CACNG3: variants seen among roughly 807,000 people sequenced by gnomAD.
CACNG3 encodes voltage-dependent calcium channel gamma-3 subunit.
A neutral mutation model predicts 28.5 loss-of-function variants in CACNG3; 3 were observed. The observed-to-expected ratio is 0.11, with a 90% CI of 0.05 to 0.27. The LOEUF (loss-of-function observed/expected upper bound fraction) is 0.27, where lower values mean the gene tolerates loss of function less well. Ranked by LOEUF, CACNG3 falls within the 10% of genes least tolerant of loss-of-function variation. The pLI, the probability that CACNG3 is intolerant of heterozygous loss-of-function variation, is 1.00. For missense variants in CACNG3, 236 were observed against 414.4 expected (o/e 0.57, Z 3.74); for synonymous variants, 174 against 162.2 (o/e 1.07, Z -0.55).
rs1900100553 is a variant in CACNG3, at chr16:24,361,422, C to T, written c.507C>T (p.Ser169=). ...CCGGAGACCCCGGGCAGCGTGACTC[C>T]AAAAAAAGTTACTCCTATGGTTGGT... ...ANAGDPGQRD[S]KKSYSYGWSF... Residue 169 remains serine (S), a synonymous_variant, in exon 4 of 4, where the codon TCC becomes TCT. Transcript: ENST00000005284. The surrounding 1 kb of genome is among the most constrained non-coding windows in gnomAD (Gnocchi z 6.8). 1 of 1,613,614 alleles carries T rather than the reference C, an allele frequency of 6.2e-7. No homozygotes were observed. Among genetic ancestry groups the T allele is most frequent in the Non-Finnish European group, 8.5e-7 (1 of 1,179,852 alleles).
chr16:24,297,166 T>C (rs1186427485), intron 1 of CACNG3, among the ~76,000 whole-genome samples: 6 of 151,088 alleles, frequency 4.0e-5, no homozygotes, highest in African/African-American at 1.5e-4. Flanking sequence ...GAGGATGGCT[T>C]GTGGCCAGGA....
At chr16:24,351,390 G>A (rs1760431450) in intron 2 of CACNG3, among the ~76,000 whole-genome samples, 1 of 151,856 alleles carries the variant, frequency 6.6e-6, no homozygotes, top group African/African-American at 2.4e-5. Context: ...AGACCAATAT[G>A]GTGAAACCCA....
chr16:24,356,016 C>T (rs1900027069), intron 3 of CACNG3, among the ~76,000 whole-genome samples: 1 of 152,172 alleles, frequency 6.6e-6, no homozygotes, highest in South Asian at 2.1e-4. Flanking sequence ...TTTTACCTCC[C>T]TCCACCTCCA....
At chr16:24,276,658 G>A (rs912134486) in intron 1 of CACNG3, among the ~76,000 whole-genome samples, 6 of 152,178 alleles carry the variant, frequency 3.9e-5, no homozygotes, top group Non-Finnish European at 8.8e-5. Flanking sequence ...ACCATCACTG[G>A]GATGGAAGAG....
intron 1 of CACNG3, among the ~76,000 whole-genome samples, chr16:24,328,639 C>T (rs1454363030): frequency 6.6e-6 from 1 of 151,960 alleles, no homozygotes; most frequent in Non-Finnish European, 1.5e-5. Flanking sequence ...CACGGATCAT[C>T]GTAAGCTTAG....
At chr16:24,326,465 C>T (rs535403203) in intron 1 of CACNG3, among the ~76,000 whole-genome samples, 1 of 152,340 alleles carries the variant, frequency 6.6e-6, no homozygotes, top group South Asian at 2.1e-4. Context: ...GCCACCACAC[C>T]CGGCCAAAAT....
At chr16:24,287,053 T>A (rs1898904076) in intron 1 of CACNG3, among the ~76,000 whole-genome samples, 1 of 152,226 alleles carries the variant, frequency 6.6e-6, no homozygotes, top group Non-Finnish European at 1.5e-5. Flanking sequence ...ATGGCATGCT[T>A]GCTTGCTCCT....
At chr16:24,347,453 A>T (rs1899885208) in intron 2 of CACNG3, among the ~76,000 whole-genome samples, 1 of 152,228 alleles carries the variant, frequency 6.6e-6, no homozygotes, top group Non-Finnish European at 1.5e-5. Context: ...CTTTTTAGTC[A>T]GTTTAGGAGA....
At chr16:24,330,026 G>T (rs905569211) in intron 1 of CACNG3, among the ~76,000 whole-genome samples, 2 of 152,034 alleles carry the variant, frequency 1.3e-5, no homozygotes, top group African/African-American at 4.8e-5. Flanking sequence ...AACAGAGTGA[G>T]ACTGTGTCTC....
At chr16:24,329,278 A>G (rs1899601969) in intron 1 of CACNG3, among the ~76,000 whole-genome samples, 1 of 152,176 alleles carries the variant, frequency 6.6e-6, no homozygotes, top group Admixed American at 6.5e-5. Context: ...AGAGAGTAAA[A>G]GATGCCCCGG....
intron 1 of CACNG3, among the ~76,000 whole-genome samples, chr16:24,284,742 A>G (rs1183199961): frequency 6.6e-6 from 1 of 152,186 alleles, no homozygotes; most frequent in East Asian, 1.9e-4. Flanking sequence ...AGATTTAAAA[A>G]TCTCATCTTG....
intron 1 of CACNG3, among the ~76,000 whole-genome samples, chr16:24,300,802 C>T (rs1345051261): frequency 2.6e-5 from 4 of 151,930 alleles, no homozygotes; most frequent in Non-Finnish European, 5.9e-5. Flanking sequence ...GCCTGTAATC[C>T]CAGCACTTTT....
At chr16:24,324,238 A>T (rs1375396275) in intron 1 of CACNG3, among the ~76,000 whole-genome samples, 1 of 152,228 alleles carries the variant, frequency 6.6e-6, no homozygotes, top group Non-Finnish European at 1.5e-5. Flanking sequence ...TTGAACCCGC[A>T]TCTGCCTTGC....
chr16:24,355,605 A>C (rs2141384144), intron 3 of CACNG3, among the ~76,000 whole-genome samples: 1 of 152,300 alleles, frequency 6.6e-6, no homozygotes, highest in South Asian at 2.1e-4. Flanking sequence ...AAGTAAATGT[A>C]AAAATATACA....
chr16:24,316,664 C>A (rs892026041), intron 1 of CACNG3, among the ~76,000 whole-genome samples: 1 of 152,204 alleles, frequency 6.6e-6, no homozygotes, highest in African/African-American at 2.4e-5. Context: ...CTCCACTGCA[C>A]TCCCCAAAGA....
intron 1 of CACNG3, among the ~76,000 whole-genome samples, chr16:24,282,175 C>T (rs961592575): frequency 1.3e-5 from 2 of 152,152 alleles, no homozygotes; most frequent in Admixed American, 1.3e-4. Context: ...TCTCCATTTT[C>T]CCATGAGGAA....
chr16:24,343,056 G>T (rs1596649685), intron 1 of CACNG3, among the ~76,000 whole-genome samples: 1 of 152,104 alleles, frequency 6.6e-6, no homozygotes, highest in African/African-American at 2.4e-5. Flanking sequence ...GGGCATAGTG[G>T]TGCATGCCTG....
chr16:24,312,359 C>T (rs1899275570), intron 1 of CACNG3, among the ~76,000 whole-genome samples: 2 of 152,142 alleles, frequency 1.3e-5, no homozygotes, highest in South Asian at 2.1e-4. Context: ...AAGAGTATGA[C>T]GTCCAAAGTC....
At chr16:24,259,467 G>A (rs890273896) in intron 1 of CACNG3, among the ~76,000 whole-genome samples, 1 of 152,154 alleles carries the variant, frequency 6.6e-6, no homozygotes. Context: ...CTACACCTGA[G>A]CCTCAAAATC....
Sources: gnomAD v4.1 joint callset for allele counts (sites outside exome capture counted in the v4.1 genomes callset) on GRCh38, gnomAD v4.1.1 for gene constraint, Gnocchi (gnomAD v3.1) non-coding constraint, MANE v1.5 for transcripts, NCBI Gene and HGNC (gene_info 2026-07-23, HGNC 2026-07-21) for gene names.